Variants in PCDHGA3 observed in about 807,000 individuals in gnomAD.
PCDHGA3 encodes the protein protocadherin gamma-A3.
In PCDHGA3, 40 loss-of-function variants were observed where a neutral mutation model predicts 58.5. The ratio of observed to expected loss-of-function variants is 0.68; its 90% CI spans 0.53 to 0.89. The LOEUF (loss-of-function observed/expected upper bound fraction) is 0.89, where lower values mean the gene tolerates loss of function less well. Among genes scored for constraint, PCDHGA3 ranks in the 40% least tolerant of loss-of-function variants. PCDHGA3 has a pLI of 0.00. For missense variants in PCDHGA3, 1,223 were observed against 1,195.9 expected, an observed-to-expected ratio of 1.02 and a Z score of -0.33; for synonymous variants, 530 against 525.7, an observed-to-expected ratio of 1.01 and a Z score of -0.11.
intron 1 of PCDHGA3, chr5:141,352,622 A>G (rs1759061031): frequency 1.2e-6 from 2 of 1,612,412 alleles, no homozygotes; most frequent in Admixed American, 1.7e-5. Context: ...TGTATGTGCC[A>G]GTAATGAAGA....
intron 1 of PCDHGA3, among the ~76,000 whole-genome samples, 197 bp from the exon 2 acceptor site, chr5:141,494,610 T>C (rs1428159953): frequency 6.6e-6 from 1 of 152,152 alleles, no homozygotes; most frequent in Non-Finnish European, 1.5e-5. Flanking sequence ...GATTTATCTC[T>C]TGGTTTCTGG....
rs376721940 is a variant in PCDHGA3, at chr5:141,410,147, G to A, written c.2424+63690G>A. 18 of 1,612,952 alleles carry A rather than the reference G, an allele frequency of 1.1e-5. No homozygotes were observed. The East Asian group carries it at 3.6e-4, about 32-fold the overall frequency. ...GCGCCTGCTGGTCGCTGTGCGTGAC[G>A]GTGGACAGCCGCCACTCTCTGCCAC... On this transcript the variant is annotated intron_variant, in intron 1 of 3. Transcript: ENST00000253812.
intron 1 of PCDHGA3, chr5:141,427,255 G>C (rs1369151995): frequency 2.2e-6 from 1 of 456,746 alleles, no homozygotes; most frequent in Non-Finnish European, 4.4e-6. Flanking sequence ...GATGGTGGAG[G>C]CATGACCAGC....
At chr5:141,392,980 C>T (rs1327544903) in intron 1 of PCDHGA3, 1 of 1,613,716 alleles carries the variant, frequency 6.2e-7, no homozygotes, top group Non-Finnish European at 8.5e-7. Context: ...GGGCTGGACC[C>T]CCGGAAGCTG....
In PCDHGA3 at chr5:141,487,493, C is replaced by T; in HGVS notation, c.2425-7314C>T. 6.2e-7 allele frequency: 1 copy of T among 1,614,168 alleles called. No individual in the cohort carries two copies. The highest frequency in any genetic ancestry group is 1.1e-5 in the South Asian group (1 of 91,088). On this transcript the variant is annotated intron_variant, in intron 1 of 3. Coordinates refer to ENST00000253812, the MANE Select transcript of PCDHGA3 (RefSeq NM_018916.4). The surrounding 1 kb of genome is among the most constrained non-coding windows in gnomAD (Gnocchi z 5.0). ...GGGAGGCCACTCTCATGGCTGTACA[C>T]CCTTGGCTTCTGCACCCACTCGGAG...
At chr5:141,355,130 A>AC in intron 1 of PCDHGA3, 1 of 1,518,662 alleles carries the variant, frequency 6.6e-7, no homozygotes, top group East Asian at 2.3e-5. Context: ...TTGGACCCAG[A>AC]AGATCCTGGG....
At chr5:141,404,436 C>A in intron 1 of PCDHGA3, 1 of 1,612,704 alleles carries the variant, frequency 6.2e-7, no homozygotes, top group Non-Finnish European at 8.5e-7. Flanking sequence ...GCAGAGGATA[C>A]CATCCAAGGG....
At chr5:141,357,344 A>G in intron 1 of PCDHGA3, 1 of 1,614,080 alleles carries the variant, frequency 6.2e-7, no homozygotes, top group Non-Finnish European at 8.5e-7. Context: ...CTAGCACTCA[A>G]GCTGAGACGC....
chr5:141,426,317 C>A, intron 1 of PCDHGA3: 1 of 173,952 alleles, frequency 5.7e-6, no homozygotes, highest in African/African-American at 2.4e-5. Flanking sequence ...AGAAGCAGGA[C>A]CCGGCAGTGG....
intron 1 of PCDHGA3, among the ~76,000 whole-genome samples, chr5:141,346,783 A>G (rs780472222): frequency 6.6e-6 from 1 of 152,234 alleles, no homozygotes; most frequent in Non-Finnish European, 1.5e-5. Context: ...TCCTTGAGTA[A>G]CTATGATGAG....
At position 141,420,872 on chromosome 5, in the gene PCDHGA3, G is replaced by A. The variant is rs575322685; in HGVS notation, c.2425-73935G>A. 3.3e-5 allele frequency among the ~76,000 whole-genome samples: 5 copies of A among 152,328 alleles called. No homozygotes were observed. The East Asian group carries it at 7.7e-4, about 24-fold the overall frequency. On this transcript the variant is annotated intron_variant, in intron 1 of 3. Coordinates refer to ENST00000253812, the MANE Select transcript of PCDHGA3 (RefSeq NM_018916.4). ...AAAGTTTTAACGTCACATAATGTAA[G>A]TATTGTGTATCATCGTTTTTAAGCT...
intron 1 of PCDHGA3, chr5:141,417,493 G>A (rs1463793261): frequency 4.7e-6 from 1 of 214,978 alleles, no homozygotes; most frequent in East Asian, 1.1e-4. Context: ...GAATCACTGA[G>A]GAAAAAGATT....
intron 1 of PCDHGA3, chr5:141,375,342 T>C: frequency 6.2e-7 from 1 of 1,613,798 alleles, no homozygotes; most frequent in Non-Finnish European, 8.5e-7. Flanking sequence ...TTGTACAACA[T>C]CACTGTGACA....
In PCDHGA3 at chr5:141,493,930, A is replaced by G. The variant is rs547125826; in HGVS notation, c.2425-877A>G. Among the ~76,000 whole-genome samples the G allele has an allele frequency of 6.6e-6, 1 of 152,268 alleles. No homozygotes were observed. The highest frequency in any genetic ancestry group is 6.5e-5 in the Admixed American group (1 of 15,300). ...TGTGATGGGATAACACACCCCCTGG[A>G]AAGACCAGAAGGGACTCAGGAATGA... On this transcript the variant is annotated intron_variant, in intron 1 of 3. Transcript: ENST00000253812. This position sits in a 1 kb window ranked among gnomAD's most constrained non-coding sequence, Gnocchi z 4.3.
intron 1 of PCDHGA3, chr5:141,419,158 C>G (rs757849297): frequency 6.2e-7 from 1 of 1,613,950 alleles, no homozygotes; most frequent in South Asian, 1.1e-5. Context: ...CTCCGTTATC[C>G]TCCAGCAAAA....
chr5:141,400,579 A>G (rs748573702), intron 1 of PCDHGA3: 2 of 1,610,854 alleles, frequency 1.2e-6, no homozygotes, highest in Non-Finnish European at 1.7e-6. Flanking sequence ...TTCTGTATTT[A>G]CATGAAACTA....
chr5:141,432,991 C>G lies in PCDHGA3; in HGVS notation c.2425-61816C>G, dbSNP rs1269992849. ...CGGCGTCGCACTTTGTGGGCGTGGACGGGGTGCAGGCTTTCCTGCAGACCT... is the reference window on the plus strand; with the variant it reads ...CGGCGTCGCACTTTGTGGGCGTGGAGGGGGTGCAGGCTTTCCTGCAGACCT... On this transcript the variant is annotated intron_variant, in intron 1 of 3. Transcript: ENST00000253812. The surrounding 1 kb of genome is among the most constrained non-coding windows in gnomAD (Gnocchi z 6.0). The G allele has an allele frequency of 6.2e-7, 1 of 1,614,200 alleles. No homozygotes were observed. Among genetic ancestry groups the G allele is most frequent in the Admixed American group, 1.7e-5 (1 of 60,032 alleles).
chr5:141,430,395 A>C (rs1461176471), intron 1 of PCDHGA3, among the ~76,000 whole-genome samples: 1 of 152,096 alleles, frequency 6.6e-6, no homozygotes, highest in Non-Finnish European at 1.5e-5. Context: ...AAAAAAAAAA[A>C]AGCTCACTAA....
intron 1 of PCDHGA3, chr5:141,356,654 C>G (rs771447398): frequency 6.2e-7 from 1 of 1,613,898 alleles, no homozygotes; most frequent in African/African-American, 1.3e-5. Context: ...GGTGACAATG[C>G]CCGAATCACT....
Sources: gnomAD v4.1 joint callset for allele counts (sites outside exome capture counted in the v4.1 genomes callset) on GRCh38, gnomAD v4.1.1 for gene constraint, Gnocchi (gnomAD v3.1) non-coding constraint, MANE v1.5 for transcripts, NCBI Gene and HGNC (gene_info 2026-07-23, HGNC 2026-07-21) for gene names.